Variants in ARID1B observed in about 807,000 individuals in gnomAD.
ARID1B encodes AT-rich interaction domain 1B, also known as AT-rich interactive domain-containing protein 1B.
A neutral mutation model predicts 212.3 loss-of-function variants in ARID1B; 30 were observed. That is an observed-to-expected ratio of 0.14 (90% CI 0.11 to 0.19). ARID1B has a LOEUF of 0.19. ARID1B is among the 10% of genes least tolerant of loss of function. ARID1B has a pLI of 1.00. For synonymous variants in ARID1B, 1,402 were observed against 1,301.7 expected, an observed-to-expected ratio of 1.08 and a Z score of -1.66; for missense variants, 2,891 against 3,204.0, an observed-to-expected ratio of 0.90 and a Z score of 2.36.
At chr6:156,934,815 A>C (rs1455266569) in intron 3 of ARID1B, among the ~76,000 whole-genome samples, 1 of 150,398 alleles carries the variant, frequency 6.6e-6, no homozygotes, top group Admixed American at 6.6e-5. Context: ...TGGTTTGGCT[A>C]CAGCTGACCT....
chr6:157,016,314 AC>A (rs1779917917), intron 4 of ARID1B, among the ~76,000 whole-genome samples: 1 of 151,954 alleles, frequency 6.6e-6, no homozygotes, highest in African/African-American at 2.4e-5. Flanking sequence ...CACCATCGCC[AC>A]CCCCCACCCC....
chr6:157,150,317 C>G (rs1790103596), intron 8 of ARID1B: 1 of 152,130 alleles, frequency 6.6e-6, no homozygotes, highest in African/African-American at 2.4e-5. Flanking sequence ...TTATGTCATC[C>G]TGTAGCAATC....
At chr6:156,801,917 C>A (rs894154992) in intron 1 of ARID1B, among the ~76,000 whole-genome samples, 2 of 152,056 alleles carry the variant, frequency 1.3e-5, no homozygotes, top group Admixed American at 1.3e-4. Context: ...GAAAAAAAAT[C>A]GAATTGCTTT....
intron 6 of ARID1B, among the ~76,000 whole-genome samples, chr6:157,112,715 C>A (rs1372193955): frequency 6.6e-6 from 1 of 152,124 alleles, no homozygotes; most frequent in African/African-American, 2.4e-5. Context: ...AACAGGACAA[C>A]AATTAGGAAA....
Position 156,946,320 on chromosome 6 carries a change from C to T in ARID1B, c.2247+10744C>T, listed in dbSNP as rs1793135718. Among the ~76,000 whole-genome samples, 3 of 151,842 alleles carry T rather than the reference C, an allele frequency of 2.0e-5. No homozygotes were observed. The South Asian group carries it at 6.2e-4, about 32-fold the overall frequency. On this transcript the variant is annotated intron_variant, in intron 4 of 19. Coordinates refer to ENST00000636930, the MANE Select transcript of ARID1B (RefSeq NM_001374828.1). ...CTGGGAGGTGGAGGTTGCCGTGAGC[C>T]GAGATTGTGCCATTGCACTCCAGTC...
At chr6:157,026,827 C>T (rs1780696712) in intron 4 of ARID1B, among the ~76,000 whole-genome samples, 1 of 152,130 alleles carries the variant, frequency 6.6e-6, no homozygotes, top group African/African-American at 2.4e-5. Flanking sequence ...TTAGAAGATG[C>T]ACTTTTTAAA....
chr6:156,921,438 AACACACACACACAC>A (rs10560265), intron 3 of ARID1B, among the ~76,000 whole-genome samples: 4,993 of 135,938 alleles, frequency 0.037, 147 homozygotes, highest in African/African-American at 0.077. Flanking sequence ...TTGATGGGAA[AACACACACACACAC>A]ACACACACAC....
At chr6:157,067,909 A>C (rs989847212) in intron 4 of ARID1B, among the ~76,000 whole-genome samples, 1 of 152,142 alleles carries the variant, frequency 6.6e-6, no homozygotes, top group African/African-American at 2.4e-5. Flanking sequence ...AATTCTCAGG[A>C]ATTTAAATTC....
chr6:156,999,762 A>C (rs557067101), intron 4 of ARID1B, among the ~76,000 whole-genome samples: 1 of 152,214 alleles, frequency 6.6e-6, no homozygotes, highest in Non-Finnish European at 1.5e-5. Context: ...GAACACAGCA[A>C]TGGAAAAACA....
At chr6:157,048,018 A>G (rs1349318005) in intron 4 of ARID1B, among the ~76,000 whole-genome samples, 1 of 152,096 alleles carries the variant, frequency 6.6e-6, no homozygotes, top group Admixed American at 6.5e-5. Flanking sequence ...GGTGATTTTG[A>G]TTGCGTGTGT....
chr6:156,911,202 A>C (rs1344599762), intron 3 of ARID1B, among the ~76,000 whole-genome samples: 1 of 152,222 alleles, frequency 6.6e-6, no homozygotes, highest in Non-Finnish European at 1.5e-5. Context: ...GTTCTGAGCA[A>C]AACAAAGTAT....
At chr6:157,080,887 A>C (rs1469794265) in intron 4 of ARID1B, among the ~76,000 whole-genome samples, 3 of 152,232 alleles carry the variant, frequency 2.0e-5, no homozygotes, top group African/African-American at 7.2e-5. Flanking sequence ...GATTTTAAAA[A>C]ATTAATCATC....
intron 4 of ARID1B, among the ~76,000 whole-genome samples, chr6:157,079,278 G>T (rs755422036): frequency 1.3e-5 from 2 of 152,044 alleles, no homozygotes; most frequent in Non-Finnish European, 2.9e-5. Context: ...TAACTCATTT[G>T]CTGTCTAGAC....
intron 15 of ARID1B, among the ~76,000 whole-genome samples, chr6:157,193,246 T>C (rs1412064481): frequency 6.6e-6 from 1 of 152,248 alleles, no homozygotes; most frequent in African/African-American, 2.4e-5. Flanking sequence ...TGTTCCATAA[T>C]CTTTTCTATT....
At chr6:157,058,454 A>G (rs1261144780) in intron 4 of ARID1B, among the ~76,000 whole-genome samples, 1 of 152,096 alleles carries the variant, frequency 6.6e-6, no homozygotes, top group Non-Finnish European at 1.5e-5. Flanking sequence ...TAATAGAGAC[A>G]GGGTTTCACC....
chr6:156,996,337 C>T (rs972276736), intron 4 of ARID1B, among the ~76,000 whole-genome samples: 6 of 152,052 alleles, frequency 3.9e-5, no homozygotes, highest in African/African-American at 1.5e-4. Context: ...CCAGATGGGA[C>T]GGAGTATTCT....
intron 3 of ARID1B, among the ~76,000 whole-genome samples, chr6:156,922,167 G>A (rs1039818903): frequency 6.8e-6 from 1 of 147,388 alleles, no homozygotes; most frequent in African/African-American, 2.5e-5. Context: ...TCCTGTATAG[G>A]TTGCCCTTTT....
At chr6:156,997,664 T>G (rs1778673360) in intron 4 of ARID1B, among the ~76,000 whole-genome samples, 1 of 151,986 alleles carries the variant, frequency 6.6e-6, no homozygotes, top group Admixed American at 6.5e-5. Context: ...AACTTGTTTT[T>G]TTTTTTTTTT....
intron 4 of ARID1B, among the ~76,000 whole-genome samples, chr6:157,012,916 G>A (rs1037299683): frequency 6.7e-6 from 1 of 148,728 alleles, no homozygotes; most frequent in Non-Finnish European, 1.5e-5. Context: ...TTTCGCTCTT[G>A]TTGCCCAGGC....
Sources: gnomAD v4.1 joint callset for allele counts (sites outside exome capture counted in the v4.1 genomes callset) on GRCh38, gnomAD v4.1.1 for gene constraint, MANE v1.5 for transcripts, NCBI Gene and HGNC (gene_info 2026-07-23, HGNC 2026-07-21) for gene names.